Variants in FARSB observed in about 807,000 individuals in gnomAD.
FARSB encodes the protein phenylalanyl-tRNA synthetase subunit beta.
A neutral mutation model predicts 69.6 loss-of-function variants in FARSB; 40 were observed. That is an observed-to-expected ratio of 0.57 (90% CI 0.45 to 0.75). FARSB has a LOEUF of 0.75. Ranked by LOEUF, FARSB falls within the 30% of genes least tolerant of loss-of-function variation. The pLI is 0.00. For synonymous variants in FARSB, 235 were observed against 247.2 expected (o/e 0.95, Z 0.46); for missense variants, 632 against 722.9 (o/e 0.87, Z 1.44).
At chr2:222,649,475 G>A (rs1380322203) in intron 1 of FARSB, among the ~76,000 whole-genome samples, 1 of 152,188 alleles carries the variant, frequency 6.6e-6, no homozygotes, top group African/African-American at 2.4e-5. Context: ...GTCCTATCAG[G>A]TAAAATGGTC....
intron 5 of FARSB, among the ~76,000 whole-genome samples, chr2:222,636,372 C>T (rs1488903376): frequency 4.8e-5 from 6 of 125,996 alleles, no homozygotes; most frequent in Non-Finnish European, 9.4e-5. Flanking sequence ...GGCGAGAGTG[C>T]GAGACTCTAT....
intron 10 of FARSB, among the ~76,000 whole-genome samples, chr2:222,626,568 C>T (rs1032721579): frequency 6.6e-6 from 1 of 152,112 alleles, no homozygotes; most frequent in East Asian, 1.9e-4. Flanking sequence ...TCATGCAGTA[C>T]TCCTTTTCAG....
Position 222,568,535 on chromosome 2 carries a change from G to T in FARSB, c.*3336C>A, listed in dbSNP as rs898324592. The T allele has an allele frequency of 2.0e-5, 3 of 152,134 alleles. No homozygotes were observed. Among genetic ancestry groups the T allele is most frequent in the Admixed American group, 6.6e-5 (1 of 15,262 alleles). The allele number at this position is 152,134 out of a possible 1,614,324, so 9.4% of individuals were successfully genotyped here. On this transcript the variant is annotated 3_prime_UTR_variant, in exon 17 of 17. Transcript: ENST00000281828. The surrounding 1 kb of genome is among the most constrained non-coding windows in gnomAD (Gnocchi z 4.3). ...CCAAAAAAATTAAAATGTGAAAAAA[G>T]ATCAATTCAAAAATAATTTAAAAAC...
Position 222,642,817 on chromosome 2 carries a change from C to T in FARSB, c.269+34G>A, listed in dbSNP as rs1574951909. 2.7e-6 allele frequency: 4 copies of T among 1,508,518 alleles called. No homozygotes were observed. The South Asian group carries it at 4.0e-5, about 15-fold the overall frequency. The allele number at this position is 1,508,518 out of a possible 1,614,324, so 93.4% of individuals were successfully genotyped here. A position where few individuals can be genotyped will look rare whatever the true frequency, so the allele number is the denominator to read the frequency against. ...GACAAGGAAAGAAAAGAAAACCCAA[C>T]TTAGCAAAGTCTTTAAGGAACATAT... On this transcript the variant is annotated intron_variant, in intron 3 of 16. Transcript: ENST00000281828.
intron 16 of FARSB, among the ~76,000 whole-genome samples, chr2:222,595,796 A>G (rs114935630): frequency 2.8e-4 from 43 of 152,258 alleles, no homozygotes; most frequent in African/African-American, 9.9e-4. Context: ...CAAATACAAA[A>G]ATGTGGAGAA....
intron 3 of FARSB, 126 bp downstream of exon 3, chr2:222,642,725 A>C: frequency 1.7e-6 from 1 of 605,104 alleles, no homozygotes; most frequent in Non-Finnish European, 2.8e-6. Context: ...TCAACCCTCT[A>C]TTGAGAGCTA....
At chr2:222,642,023 CAG>C (rs200457369) in intron 3 of FARSB, among the ~76,000 whole-genome samples, 3,158 of 141,986 alleles carry the variant, frequency 0.022, 45 homozygotes, top group Non-Finnish European at 0.036. Context: ...TTTTTTGAAA[CAG>C]AGTCTCCCTC....
chr2:222,587,638 G>A (rs1413150916), intron 16 of FARSB, among the ~76,000 whole-genome samples: 3 of 151,942 alleles, frequency 2.0e-5, no homozygotes, highest in Non-Finnish European at 4.4e-5. Context: ...AAAGAGAGAA[G>A]AATCAAATAG....
intron 13 of FARSB, among the ~76,000 whole-genome samples, chr2:222,622,139 T>G (rs1052422329): frequency 6.6e-6 from 1 of 152,158 alleles, no homozygotes; most frequent in African/African-American, 2.4e-5. Flanking sequence ...AGGAGTATAC[T>G]GAGAAGAAAT....
At chr2:222,605,359 G>A (rs977377069) in intron 15 of FARSB, among the ~76,000 whole-genome samples, 22 of 152,086 alleles carry the variant, frequency 1.4e-4, no homozygotes, top group Non-Finnish European at 2.5e-4. Flanking sequence ...ACACAGGCAC[G>A]TATTGAAACA....
chr2:222,568,496 A>C lies in FARSB; in HGVS notation c.*3375T>G, dbSNP rs1205510268. 6.6e-6 allele frequency: 1 copy of C among 152,208 alleles called. No homozygotes were observed. The highest frequency in any genetic ancestry group is 6.5e-5 in the Admixed American group (1 of 15,274). 9.4% of individuals were successfully genotyped at this position (152,208 alleles called of 1,614,324 possible). A position where few individuals can be genotyped will look rare whatever the true frequency, so the allele number is the denominator to read the frequency against. On this transcript the variant is annotated 3_prime_UTR_variant, in exon 17 of 17. Coordinates refer to ENST00000281828, the MANE Select transcript of FARSB (RefSeq NM_005687.5). This position sits in a 1 kb window ranked among gnomAD's most constrained non-coding sequence, Gnocchi z 4.3. ...CACATCAGGGAGAATTCCTACTCTC[A>C]TACCGTTATTAAACCAAAAAAATTA... is the stretch of plus-strand genomic sequence containing the variant.
chr2:222,569,388 TA>T lies in FARSB; in HGVS notation c.*2482del, dbSNP rs1689678625. 1 of 152,138 alleles carries T rather than the reference TA, an allele frequency of 6.6e-6. No homozygotes were observed. Among genetic ancestry groups the T allele is most frequent in the South Asian group, 2.1e-4 (1 of 4,822 alleles). 9.4% of individuals were successfully genotyped at this position (152,138 alleles called of 1,614,324 possible). A position where few individuals can be genotyped will look rare whatever the true frequency, so the allele number is the denominator to read the frequency against. On this transcript the variant is annotated 3_prime_UTR_variant, in exon 17 of 17. Transcript: ENST00000281828. ...ATTTTAACTAGAGCGAACCTGAAAC[TA>T]AGGGAGAATATATCATTAATAGCTG...
At chr2:222,579,548 C>T (rs1163689176) in intron 16 of FARSB, among the ~76,000 whole-genome samples, 6 of 152,024 alleles carry the variant, frequency 3.9e-5, no homozygotes, top group Admixed American at 3.9e-4. Context: ...AGACAAGTAC[C>T]ACAGGGACAC....
chr2:222,576,266 T>C (rs964233337), intron 16 of FARSB, among the ~76,000 whole-genome samples: 3 of 147,892 alleles, frequency 2.0e-5, no homozygotes, highest in African/African-American at 5.0e-5. Flanking sequence ...TTATTTTTCC[T>C]TTTTTTTTTA....
chr2:222,584,427 G>A (rs984566184), intron 16 of FARSB, among the ~76,000 whole-genome samples: 1 of 152,166 alleles, frequency 6.6e-6, no homozygotes, highest in African/African-American at 2.4e-5. Flanking sequence ...CCCAGCGTGA[G>A]CAATGCAGAA....
chr2:222,631,885 T>C (rs1691435288), intron 7 of FARSB, among the ~76,000 whole-genome samples: 1 of 152,164 alleles, frequency 6.6e-6, no homozygotes, highest in African/African-American at 2.4e-5. Flanking sequence ...CCAGCCTAAC[T>C]AACACAGAGA....
At chr2:222,644,648 G>C (rs1307819684) in intron 2 of FARSB, 3 of 366,630 alleles carry the variant, frequency 8.2e-6, no homozygotes, top group African/African-American at 4.2e-5. Flanking sequence ...TTATCCACAG[G>C]GGATATGTTT....
intron 2 of FARSB, among the ~76,000 whole-genome samples, chr2:222,647,891 C>G (rs1691911539): frequency 6.6e-6 from 1 of 152,196 alleles, no homozygotes; most frequent in Non-Finnish European, 1.5e-5. Flanking sequence ...CTCGTCTCTC[C>G]TTGCATTATA....
chr2:222,632,635 A>G (rs1691462387), intron 7 of FARSB, among the ~76,000 whole-genome samples: 1 of 152,234 alleles, frequency 6.6e-6, no homozygotes, highest in Admixed American at 6.5e-5. Context: ...AATTTAAATT[A>G]AAAGTTTTTG....
Sources: allele counts gnomAD v4.1 joint callset (sites outside exome capture counted in the v4.1 genomes callset), GRCh38; gene constraint gnomAD v4.1.1; non-coding constraint Gnocchi (gnomAD v3.1); transcripts MANE v1.5; gene names NCBI Gene and HGNC (gene_info 2026-07-23, HGNC 2026-07-21).